Variants in CADM2 observed in about 807,000 individuals in gnomAD.
The protein encoded by CADM2 is cell adhesion molecule 2.
In CADM2, 12 loss-of-function variants were observed where a neutral mutation model predicts 49.8. That is an observed-to-expected ratio of 0.24 (90% confidence interval 0.15 to 0.39). The LOEUF (loss-of-function observed/expected upper bound fraction) is 0.39, where lower values mean the gene tolerates loss of function less well. Among genes scored for constraint, CADM2 ranks in the 10% least tolerant of loss-of-function variants. CADM2 has a pLI of 1.00. For synonymous variants in CADM2, 214 were observed against 175.4 expected, an observed-to-expected ratio of 1.22 and a Z score of -1.74; for missense variants, 378 against 492.3, an observed-to-expected ratio of 0.77 and a Z score of 2.20.
At chr3:85,057,021 C>G (rs1454715109) in intron 1 of CADM2, among the ~76,000 whole-genome samples, 1 of 152,058 alleles carries the variant, frequency 6.6e-6, no homozygotes, top group Non-Finnish European at 1.5e-5. Context: ...TTCTAATGTG[C>G]AAGTCAGGTT....
intron 1 of CADM2, among the ~76,000 whole-genome samples, chr3:85,068,739 A>C (rs2036610538): frequency 1.3e-5 from 2 of 151,918 alleles, no homozygotes; most frequent in South Asian, 4.2e-4. Context: ...ATTTAAAGTA[A>C]GCTTTTTTGT....
chr3:85,961,476 C>T lies in CADM2; in HGVS notation c.799C>T (p.Pro267Ser). The change falls in exon 8 of 10, where the codon CCT becomes TCT. Residue 267 changes from proline (P) to serine (S), a missense_variant. Coordinates refer to ENST00000383699, the MANE Select transcript of CADM2 (RefSeq NM_001167675.2). ...CATGTTTCAATCCAATAGGCCAGAACCTGTTTTGTGGACAAAGGATGGCGG... is the reference window on the plus strand; with the variant it reads ...CATGTTTCAATCCAATAGGCCAGAATCTGTTTTGTGGACAAAGGATGGCGG... Reference protein sequence around the residue: ...CESKGKPLPEPVLWTKDGGEL... With the variant: ...CESKGKPLPESVLWTKDGGEL... 2 of 1,592,716 alleles carry T rather than the reference C, an allele frequency of 1.3e-6. No individual in the cohort carries two copies. The highest frequency in any genetic ancestry group is 1.7e-6 in the Non-Finnish European group (2 of 1,164,774).
chr3:85,943,489 A>G (rs916461134), intron 7 of CADM2, among the ~76,000 whole-genome samples: 3 of 150,014 alleles, frequency 2.0e-5, no homozygotes, highest in African/African-American at 7.4e-5. Flanking sequence ...TAAGTCTTTA[A>G]TCCATCTTGA....
intron 8 of CADM2, among the ~76,000 whole-genome samples, chr3:85,989,347 A>T (rs534769761): frequency 1.3e-5 from 2 of 152,184 alleles, no homozygotes; most frequent in African/African-American, 2.4e-5. Context: ...AACTGGAGCC[A>T]TTTTTGGGTA....
chr3:85,291,678 C>A (rs942325639), intron 1 of CADM2, among the ~76,000 whole-genome samples: 5 of 146,656 alleles, frequency 3.4e-5, no homozygotes, highest in African/African-American at 1.4e-4. Flanking sequence ...ATTTCATATC[C>A]AGGCAAACTA....
At chr3:85,488,979 A>AT (rs1288966723) in intron 1 of CADM2, among the ~76,000 whole-genome samples, 8 of 152,094 alleles carry the variant, frequency 5.3e-5, no homozygotes, top group African/African-American at 1.4e-4. Flanking sequence ...TACTAAAATT[A>AT]TTTTTTCCAT....
chr3:85,545,545 A>G (rs10865610), intron 1 of CADM2, among the ~76,000 whole-genome samples: 84,137 of 151,992 alleles, frequency 0.55, 24,863 homozygotes, highest in East Asian at 0.85. Flanking sequence ...ACTTACTTCA[A>G]AATTACTCCC....
chr3:85,504,732 G>A (rs1465092907), intron 1 of CADM2, among the ~76,000 whole-genome samples: 7 of 152,322 alleles, frequency 4.6e-5, no homozygotes, highest in Admixed American at 2.0e-4. Flanking sequence ...AGGGGGCGGC[G>A]CTCATCGGGG....
chr3:86,018,869 C>G (rs1297364818), intron 8 of CADM2, among the ~76,000 whole-genome samples: 2 of 150,528 alleles, frequency 1.3e-5, no homozygotes, highest in Admixed American at 6.7e-5. Context: ...TGTGCAGAAG[C>G]TCTTTAGTTT....
chr3:85,409,001 T>C (rs1228183818), intron 1 of CADM2, among the ~76,000 whole-genome samples: 3 of 152,170 alleles, frequency 2.0e-5, no homozygotes, highest in Non-Finnish European at 4.4e-5. Context: ...CCTTTTGACA[T>C]TTTAAGACAA....
chr3:85,994,273 A>G (rs1030954723), intron 8 of CADM2: 1 of 152,052 alleles, frequency 6.6e-6, no homozygotes, highest in Non-Finnish European at 1.5e-5. Context: ...TTATGAACCA[A>G]CCTCCACTAG....
At chr3:85,493,535 G>T (rs1223101651) in intron 1 of CADM2, among the ~76,000 whole-genome samples, 4 of 152,052 alleles carry the variant, frequency 2.6e-5, no homozygotes, top group Non-Finnish European at 5.9e-5. Context: ...AGTGAAAAAA[G>T]CACAGTGGTT....
At chr3:85,820,711 G>T (rs1441461554) in intron 3 of CADM2, among the ~76,000 whole-genome samples, 3 of 152,092 alleles carry the variant, frequency 2.0e-5, no homozygotes, top group South Asian at 2.1e-4. Context: ...TAGCCAATTG[G>T]GTATATGAGT....
At chr3:85,347,933 G>T (rs2030921253) in intron 1 of CADM2, among the ~76,000 whole-genome samples, 1 of 151,836 alleles carries the variant, frequency 6.6e-6, no homozygotes, top group South Asian at 2.1e-4. Context: ...TCAGCCTCCT[G>T]AGTAGCTGGG....
At chr3:85,460,378 AATTAATAATT>A (rs1159854065) in intron 1 of CADM2, among the ~76,000 whole-genome samples, 6 of 152,156 alleles carry the variant, frequency 3.9e-5, no homozygotes, top group Non-Finnish European at 2.9e-5. Flanking sequence ...AGCTTACATA[AATTAATAATT>A]GATTTTGTAC....
At chr3:85,112,542 G>A (rs916820699) in intron 1 of CADM2, among the ~76,000 whole-genome samples, 20 of 151,776 alleles carry the variant, frequency 1.3e-4, no homozygotes, top group South Asian at 2.1e-4. Flanking sequence ...ATTTCACCCC[G>A]TATAAAGTTG....
At chr3:85,153,394 G>A (rs138461905) in intron 1 of CADM2, among the ~76,000 whole-genome samples, 216 of 152,296 alleles carry the variant, frequency 1.4e-3, no homozygotes, top group Non-Finnish European at 1.7e-3. Context: ...AAAAAATGGC[G>A]CACCAGGAGA....
intron 1 of CADM2, among the ~76,000 whole-genome samples, chr3:85,099,811 T>C (rs921362538): frequency 1.3e-5 from 2 of 152,114 alleles, no homozygotes; most frequent in Admixed American, 6.6e-5. Context: ...CATGCATGGC[T>C]ATACACTAGC....
intron 1 of CADM2, among the ~76,000 whole-genome samples, chr3:85,297,087 C>T (rs934877446): frequency 2.0e-5 from 3 of 151,970 alleles, no homozygotes; most frequent in African/African-American, 7.2e-5. Context: ...CTCCACACTA[C>T]CTTGTTTATA....
Sources: gnomAD v4.1 joint callset for allele counts (sites outside exome capture counted in the v4.1 genomes callset) on GRCh38, gnomAD v4.1.1 for gene constraint, MANE v1.5 for transcripts, NCBI Gene and HGNC (gene_info 2026-07-23, HGNC 2026-07-21) for gene names.